EVI5: variants seen among roughly 807,000 people sequenced by gnomAD.
EVI5 encodes ecotropic viral integration site 5 protein homolog.
EVI5 carries 73 observed loss-of-function variants against 112.0 expected under a neutral mutation model. The observed-to-expected ratio is 0.65, with a 90% CI of 0.54 to 0.79. The LOEUF (loss-of-function observed/expected upper bound fraction) is 0.79. Among genes scored for constraint, EVI5 ranks in the 30% least tolerant of loss-of-function variants. EVI5 has a pLI of 0.00. For synonymous variants in EVI5, 305 were observed against 319.9 expected, an observed-to-expected ratio of 0.95 and a Z score of 0.50; for missense variants, 900 against 968.8, an observed-to-expected ratio of 0.93 and a Z score of 0.94.
chr1:92,624,353 T>C lies in EVI5; in HGVS notation c.1669-19A>G. On this transcript the variant is annotated intron_variant, in intron 15 of 19. Coordinates refer to ENST00000684568, the MANE Select transcript of EVI5 (RefSeq NM_001350197.2). ...AGTGGCGCTAAAGCATAAAAAATTA[T>C]ATTGCAACAAATACTCTCAGTATCA... 1 of 1,605,762 alleles carries C rather than the reference T, an allele frequency of 6.2e-7. No homozygotes were observed.
At chr1:92,558,642 C>T (rs1668032698) in intron 19 of EVI5, among the ~76,000 whole-genome samples, 1 of 152,110 alleles carries the variant, frequency 6.6e-6, no homozygotes, top group South Asian at 2.1e-4. Context: ...CTCACTCTTT[C>T]TCTTCTACAA....
intron 19 of EVI5, among the ~76,000 whole-genome samples, chr1:92,517,725 C>T (rs1660146458): frequency 6.6e-6 from 1 of 152,086 alleles, no homozygotes; most frequent in Admixed American, 6.6e-5. Flanking sequence ...GGGCTAAAGA[C>T]CTGAATAACT....
rs150793384 is a variant in EVI5 at position 92,695,074 on chromosome 1, T to C, written c.909+236A>G. On this transcript the variant is annotated intron_variant, in intron 7 of 19. Transcript: ENST00000684568. ...ACACCACTTATGTATTGTGTGTCCA[T>C]AGACAAGCTACTTAACCTTTCTCTA... 1.9e-3 allele frequency among the ~76,000 whole-genome samples: 286 copies of C among 152,332 alleles called. 4 individuals are homozygous for C. The highest frequency in any genetic ancestry group is 6.2e-3 in the African/African-American group (258 of 41,582).
In EVI5 at chr1:92,705,239, A is replaced by G. The variant is rs1671782885; in HGVS notation, c.150-495T>C. On this transcript the variant is annotated intron_variant, in intron 2 of 19. Coordinates refer to ENST00000684568, the MANE Select transcript of EVI5 (RefSeq NM_001350197.2). ...CATGCATAACCAATCTGCCCAAACA[A>G]AAAGTATTTATTTGGCCTATGCAGT... Among the ~76,000 whole-genome samples the G allele has an allele frequency of 2.0e-5, 3 of 152,250 alleles. No homozygotes were observed. The South Asian group carries it at 6.2e-4, about 32-fold the overall frequency.
rs757680390 is a variant in EVI5 at position 92,677,144 on chromosome 1, C to T, written c.1158+14G>A. The stretch of plus-strand genomic sequence containing the variant: ...TCAATCAATCAGTACTTTAAAAAGC[C>T]CCCAACTGCTTACTTTAATTTCAAC... On this transcript the variant is annotated intron_variant, in intron 10 of 19. Transcript: ENST00000684568. The T allele has an allele frequency of 6.5e-7, 1 of 1,544,054 alleles. No individual in the cohort carries two copies. The highest frequency in any genetic ancestry group is 1.4e-5 in the African/African-American group (1 of 72,948).
At chr1:92,695,934 CTT>C (rs1199108717) in intron 6 of EVI5, among the ~76,000 whole-genome samples, 7 of 144,348 alleles carry the variant, frequency 4.8e-5, no homozygotes, top group Non-Finnish European at 6.1e-5. Flanking sequence ...ATAAATGAGA[CTT>C]TTTTTTTTTT....
At chr1:92,728,871 G>A (rs914566803) in intron 2 of EVI5, among the ~76,000 whole-genome samples, 3 of 152,142 alleles carry the variant, frequency 2.0e-5, no homozygotes, top group Non-Finnish European at 2.9e-5. Flanking sequence ...TACCCATGCT[G>A]TATGTGCTAC....
intron 19 of EVI5, among the ~76,000 whole-genome samples, chr1:92,552,010 T>C (rs998527949): frequency 3.9e-5 from 6 of 152,182 alleles, no homozygotes; most frequent in African/African-American, 1.4e-4. Context: ...TTTCAGTTTT[T>C]TGGCTACATT....
Position 92,577,007 on chromosome 1 carries a change from C to A in EVI5, c.2071-13270G>T, listed in dbSNP as rs193184651. Among the ~76,000 whole-genome samples the A allele has an allele frequency of 1.7e-3, 265 of 152,132 alleles. 1 individual carries two copies. The highest frequency in any genetic ancestry group is 5.9e-3 in the African/African-American group (243 of 41,488). On this transcript the variant is annotated intron_variant, in intron 18 of 19. Transcript: ENST00000684568. ...GCATGAAAATAAGTGCTGAGTGCCACAAAAGGACATGAAAAAAACCTTGTA... is the reference window on the plus strand; with the variant it reads ...GCATGAAAATAAGTGCTGAGTGCCAAAAAAGGACATGAAAAAAACCTTGTA...
chr1:92,647,614 TCTGGTTTC>T, intron 13 of EVI5: 1 of 448,392 alleles, frequency 2.2e-6, no homozygotes, highest in Admixed American at 2.6e-5. Context: ...CACCTTTCCC[TCTGGTTTC>T]TTGGGATCAC....
Position 92,755,074 on chromosome 1 carries a change from T to G in EVI5, c.-81-18447A>C, listed in dbSNP as rs1045571879. ...GTGGGTGATGTGAACATAGGTTTTT[T>G]TTTTTTTTTTTTTTTGCATCTGAAA... On this transcript the variant is annotated intron_variant, in intron 1 of 19. Coordinates refer to ENST00000684568, the MANE Select transcript of EVI5 (RefSeq NM_001350197.2). Among the ~76,000 whole-genome samples the G allele has an allele frequency of 2.1e-4, 31 of 150,730 alleles. 1 individual carries two copies. Among genetic ancestry groups the G allele is most frequent in the African/African-American group, 6.6e-4 (27 of 41,182 alleles).
At chr1:92,524,846 T>A (rs950139697) in intron 19 of EVI5, among the ~76,000 whole-genome samples, 4 of 151,238 alleles carry the variant, frequency 2.6e-5, no homozygotes, top group Admixed American at 1.3e-4. Context: ...TTTTTTTTTT[T>A]AGACAAAGTC....
rs1237006596 is a variant in EVI5 at position 92,695,349 on chromosome 1, T to C, written c.870A>G (p.Leu290=). 6.2e-7 allele frequency: 1 copy of C among 1,610,234 alleles called. No individual in the cohort carries two copies. Among genetic ancestry groups the C allele is most frequent in the East Asian group, 2.2e-5 (1 of 44,816 alleles). ...FLTIFLTTFP[L]PIATRIFDIF... is the part of the protein sequence containing the mutation. ...TATCAAATATCCTTGTTGCAATTGG[T>C]AGTGGAAAAGTTGTAAGAAAGATAG... is the stretch of plus-strand genomic sequence containing the variant. Residue 290 remains leucine, a synonymous_variant, in exon 7 of 20, where the codon CTA becomes CTG. Coordinates refer to ENST00000684568, the MANE Select transcript of EVI5 (RefSeq NM_001350197.2).
rs1655149538 is a variant in EVI5 at position 92,624,178 on chromosome 1, G to A, written c.1825C>T (p.Gln609Ter). The A allele has an allele frequency of 6.2e-7, 1 of 1,612,804 alleles. No individual in the cohort carries two copies. The highest frequency in any genetic ancestry group is 1.3e-5 in the African/African-American group (1 of 74,818). ...GATACTGGGCTTTCCCATCATACCTGTGTTTCCATTTCCATCATCCTTTGT... is the reference window on the plus strand; with the variant it reads ...GATACTGGGCTTTCCCATCATACCTATGTTTCCATTTCCATCATCCTTTGT... ...IKQRMMEMET[Q>*]NQINSNHLRR... Residue 609 changes from glutamine (Q) to a stop codon, truncating the protein, a stop_gained and splice_region_variant, in exon 16 of 20, where the codon CAG becomes TAG. Coordinates refer to ENST00000684568, the MANE Select transcript of EVI5 (RefSeq NM_001350197.2). LOFTEE classifies it high-confidence loss of function.
At chr1:92,705,883 T>C (rs536768170) in intron 2 of EVI5, among the ~76,000 whole-genome samples, 17 of 152,206 alleles carry the variant, frequency 1.1e-4, no homozygotes, top group Non-Finnish European at 2.1e-4. Context: ...TAACAGATTA[T>C]ACAACCACCC....
intron 1 of EVI5, chr1:92,749,276 G>T: frequency 9.4e-6 from 3 of 319,654 alleles, no homozygotes; most frequent in Non-Finnish European, 1.2e-5. Flanking sequence ...CTGGCAGTTA[G>T]CTTTGTACCA....
intron 18 of EVI5, among the ~76,000 whole-genome samples, chr1:92,568,806 A>G (rs1421494616): frequency 6.6e-6 from 1 of 152,082 alleles, no homozygotes; most frequent in South Asian, 2.1e-4. Flanking sequence ...CTTCCTTATG[A>G]TTTTCTTAAT....
chr1:92,671,988 GGA>G (rs1665960477), intron 10 of EVI5, among the ~76,000 whole-genome samples: 1 of 151,684 alleles, frequency 6.6e-6, no homozygotes, highest in African/African-American at 2.4e-5. Flanking sequence ...AAAAATTTGT[GGA>G]GACAGGGGCC....
chr1:92,719,022 A>G (rs1346378635), intron 2 of EVI5, among the ~76,000 whole-genome samples: 2 of 152,192 alleles, frequency 1.3e-5, no homozygotes, highest in Admixed American at 6.5e-5. Flanking sequence ...GAATATACCA[A>G]TAACAGGCTC....
Sources: allele counts gnomAD v4.1 joint callset (sites outside exome capture counted in the v4.1 genomes callset), GRCh38; gene constraint gnomAD v4.1.1; transcripts MANE v1.5; gene names NCBI Gene and HGNC (gene_info 2026-07-23, HGNC 2026-07-21).